Variants in RUFY1 observed in about 807,000 individuals in gnomAD.
The protein encoded by RUFY1 is RUN and FYVE domain containing 1, also known as RUN and FYVE domain-containing protein 1.
RUFY1 carries 54 observed loss-of-function variants against 94.6 expected under a neutral mutation model. That is an observed-to-expected ratio of 0.57 (90% confidence interval 0.46 to 0.72). RUFY1 has a LOEUF of 0.72. Among genes scored for constraint, RUFY1 ranks in the 30% least tolerant of loss-of-function variants. The probability of loss-of-function intolerance (pLI) is 0.00; values close to 1 mark genes in which losing one functional copy is unlikely to be tolerated. For synonymous variants in RUFY1, 396 were observed against 347.3 expected, an observed-to-expected ratio of 1.14 and a Z score of -1.56; for missense variants, 883 against 883.9, an observed-to-expected ratio of 1.00 and a Z score of 0.01.
Position 179,589,672 on chromosome 5 carries a change from C to A in RUFY1, c.1128+25C>A, listed in dbSNP as rs767722972. 6.9e-5 allele frequency: 103 copies of A among 1,498,814 alleles called. No homozygotes were observed. The South Asian group carries it at 1.1e-3, about 16-fold the overall frequency. The allele number at this position is 1,498,814 out of a possible 1,614,324, so 92.8% of individuals were successfully genotyped here. ...GGTGAGAAATTGACCTACATTTGGG[C>A]AGCATGTTTCTCACTCAGACACACC... On this transcript the variant is annotated intron_variant, in intron 9 of 17. Transcript: ENST00000319449.
At chr5:179,596,380 G>A (rs1765640257) in intron 12 of RUFY1, 182 bp from the exon 13 acceptor site, 1 of 778,018 alleles carries the variant, frequency 1.3e-6, no homozygotes, top group African/African-American at 1.7e-5. Flanking sequence ...GAGGTGGGGA[G>A]TTTTGGGAGT....
chr5:179,561,854 TTTTTTA>T (rs1447164532), intron 2 of RUFY1, among the ~76,000 whole-genome samples: 1 of 150,534 alleles, frequency 6.6e-6, no homozygotes, highest in African/African-American at 2.4e-5. Context: ...GGCTAATTTT[TTTTTTA>T]TTTTTAGTAG....
chr5:179,566,618 C>A (rs1245291726), intron 3 of RUFY1, among the ~76,000 whole-genome samples: 2 of 136,478 alleles, frequency 1.5e-5, no homozygotes, highest in Non-Finnish European at 3.2e-5. Context: ...GAGTGAGGCT[C>A]CATCTCGAAA....
intron 1 of RUFY1, among the ~76,000 whole-genome samples, chr5:179,558,478 A>C (rs1006256232): frequency 2.6e-5 from 4 of 151,798 alleles, no homozygotes; most frequent in Non-Finnish European, 4.4e-5. Flanking sequence ...AGTCTGAAAC[A>C]AGAGAATTGC....
At chr5:179,577,464 C>T (rs923739881) in intron 6 of RUFY1, among the ~76,000 whole-genome samples, 11 of 151,588 alleles carry the variant, frequency 7.3e-5, no homozygotes, top group Non-Finnish European at 1.5e-4. Context: ...CGCGCCCAGC[C>T]ACGTCACATT....
intron 1 of RUFY1, chr5:179,555,651 C>T (rs1479759766): frequency 9.0e-6 from 3 of 332,804 alleles, no homozygotes; most frequent in Non-Finnish European, 1.7e-5. Context: ...TTTTTTGAGC[C>T]GGCGTTTTGC....
At position 179,607,532 on chromosome 5, in the gene RUFY1, A is replaced by T. The variant is rs752579224; in HGVS notation, c.1906-50A>T. ...GTGGCCAGAACGCAGCTACCCACTC[A>T]TCAGGGGCTTAGACAGAAAGTGGAT... is the stretch of plus-strand genomic sequence containing the variant. On this transcript the variant is annotated intron_variant, in intron 16 of 17. Coordinates refer to ENST00000319449, the MANE Select transcript of RUFY1 (RefSeq NM_025158.5). The T allele has an allele frequency of 2.6e-6, 4 of 1,537,662 alleles. No individual in the cohort carries two copies. In the African/African-American group the frequency reaches 5.4e-5, roughly 21 times the overall value.
At chr5:179,552,164 C>CAAAAAAAAAAA (rs563730431) in intron 1 of RUFY1, among the ~76,000 whole-genome samples, 17 of 73,444 alleles carry the variant, frequency 2.3e-4, no homozygotes, top group African/African-American at 4.7e-4. Context: ...GACTCTGTCT[C>CAAAAAAAAAAA]AAAAAAAAAA....
chr5:179,552,479 C>T (rs1761913860), intron 1 of RUFY1, among the ~76,000 whole-genome samples: 2 of 152,166 alleles, frequency 1.3e-5, no homozygotes, highest in Admixed American at 1.3e-4. Context: ...GAAAGGCTGA[C>T]TCGTTTTGAG....
chr5:179,561,296 A>G (rs1330691530), intron 2 of RUFY1, among the ~76,000 whole-genome samples: 1 of 152,138 alleles, frequency 6.6e-6, no homozygotes, highest in Non-Finnish European at 1.5e-5. Context: ...AGCTTGAGAA[A>G]GACTCCAGGT....
chr5:179,583,518 G>A (rs1422221796), intron 7 of RUFY1, among the ~76,000 whole-genome samples: 7 of 147,488 alleles, frequency 4.7e-5, no homozygotes, highest in Non-Finnish European at 1.0e-4. Context: ...CCAGGTTCAC[G>A]CCATTCTCCT....
Position 179,550,845 on chromosome 5 carries a change from C to A in RUFY1, c.276C>A (p.Gly92=). 1 of 1,221,846 alleles carries A rather than the reference C, an allele frequency of 8.2e-7. No homozygotes were observed. Among genetic ancestry groups the A allele is most frequent in the Non-Finnish European group, 1.0e-6 (1 of 985,094 alleles). 75.7% of individuals were successfully genotyped at this position (1,221,846 alleles called of 1,614,324 possible). A position where few individuals can be genotyped will look rare whatever the true frequency, so the allele number is the denominator to read the frequency against. ...GSALRAAAGL[G]GGDSGDGTAR... ...CGCTGCGCGCGGCCGCGGGGCTGGG[C>A]GGCGGGGACAGCGGGGACGGCACGG... is the stretch of plus-strand genomic sequence containing the variant. Residue 92 remains glycine (G), a synonymous_variant, in exon 1 of 18, where the codon GGC becomes GGA. Coordinates refer to ENST00000319449, the MANE Select transcript of RUFY1 (RefSeq NM_025158.5).
At chr5:179,606,095 G>A in intron 16 of RUFY1, 171 bp downstream of exon 16, 1 of 601,774 alleles carries the variant, frequency 1.7e-6, no homozygotes, top group South Asian at 2.0e-5. Flanking sequence ...TCGGCTGAGG[G>A]CGATGCTGAC....
rs772928772 is a variant in RUFY1, at chr5:179,596,624, A to T, written c.1574A>T (p.Glu525Val). 1 of 1,612,836 alleles carries T rather than the reference A, an allele frequency of 6.2e-7. No homozygotes were observed. The highest frequency in any genetic ancestry group is 8.5e-7 in the Non-Finnish European group (1 of 1,179,906). Residue 525 changes from glutamate to valine, a missense_variant, in exon 13 of 18, where the codon GAG (glutamate) becomes GTG (valine). Coordinates refer to ENST00000319449, the MANE Select transcript of RUFY1 (RefSeq NM_025158.5). Reference sequence around the variant, plus strand: ...GAGCGGAGCCACAAGCTGCAGCAGGAGCTGGGCGGGAGGATCGGCGCCCTG... The same window carrying T: ...GAGCGGAGCCACAAGCTGCAGCAGGTGCTGGGCGGGAGGATCGGCGCCCTG... ...AEERSHKLQQ[E>V]LGGRIGALQL...
rs1004862857 is a variant in RUFY1, at chr5:179,596,769, G to A, written c.1631+88G>A. 20 of 628,500 alleles carry A rather than the reference G, an allele frequency of 3.2e-5. No homozygotes were observed. In the East Asian group the frequency reaches 1.0e-3, roughly 33 times the overall value. 38.9% of individuals were successfully genotyped at this position (628,500 alleles called of 1,614,324 possible). ...GACAGGTGGTATCCTGCTTCAGCACGAACGGGAGGAGGGGGGGCGGGGGGG... is the reference window on the plus strand; with the variant it reads ...GACAGGTGGTATCCTGCTTCAGCACAAACGGGAGGAGGGGGGGCGGGGGGG... On this transcript the variant is annotated intron_variant, in intron 13 of 17. Transcript: ENST00000319449.
rs1392055690 is a variant in RUFY1, at chr5:179,594,942, G to A, written c.1490G>A (p.Ser497Asn). The A allele has an allele frequency of 6.2e-7, 1 of 1,611,174 alleles. No homozygotes were observed. Residue 497 changes from serine (S) to asparagine (N), a missense_variant, in exon 12 of 18, where the codon AGC (serine) becomes AAC (asparagine). By Grantham distance (46) the Ser-to-Asn change is conservative. Coordinates refer to ENST00000319449, the MANE Select transcript of RUFY1 (RefSeq NM_025158.5). Reference sequence around the variant, plus strand: ...GGAAAAACCAACCAAGTTATGTCCAGCATGAAACAAATGGAAGAAAGGTAA... The same window carrying A: ...GGAAAAACCAACCAAGTTATGTCCAACATGAAACAAATGGAAGAAAGGTAA... Reference protein sequence around the residue: ...FEGKTNQVMSSMKQMEERLQH... With the variant: ...FEGKTNQVMSNMKQMEERLQH...
At position 179,560,103 on chromosome 5, in the gene RUFY1, C is replaced by A; in HGVS notation, c.389C>A (p.Ser130Ter). The change falls in exon 2 of 18, where the codon TCG becomes TAG. Residue 130 changes from serine to a stop codon, truncating the protein, a stop_gained. Coordinates refer to ENST00000319449, the MANE Select transcript of RUFY1 (RefSeq NM_025158.5). LOFTEE classifies it high-confidence loss of function. ...MKLSIKVLLQSALSLGRSLDA... is the reference protein window; with the variant it reads ...MKLSIKVLLQ ...CTCAGCATCAAGGTGTTGCTCCAGT[C>A]GGCTCTGAGCCTGGGCCGCAGCCTG... is the stretch of plus-strand genomic sequence containing the variant. 1 of 1,614,022 alleles carries A rather than the reference C, an allele frequency of 6.2e-7. No homozygotes were observed. Among genetic ancestry groups the A allele is most frequent in the South Asian group, 1.1e-5 (1 of 91,024 alleles).
intron 1 of RUFY1, chr5:179,559,743 A>C (rs1762293207): frequency 8.8e-7 from 1 of 1,133,420 alleles, no homozygotes; most frequent in Non-Finnish European, 1.1e-6. Flanking sequence ...GTCTTGCTAA[A>C]GCCGTCGCCG....
Position 179,593,651 on chromosome 5 carries a change from A to C in RUFY1, c.1413+6A>C. The C allele has an allele frequency of 6.2e-7, 1 of 1,612,738 alleles. No homozygotes were observed. Among genetic ancestry groups the C allele is most frequent in the Non-Finnish European group, 8.5e-7 (1 of 1,179,048 alleles). ...AGATGTTTCACAAAGCTCAGGTGGG[A>C]GTTGGCTTTGTGTCCATGGCACAGC... On this transcript the variant is annotated splice_donor_region_variant and intron_variant, in intron 11 of 17. Transcript: ENST00000319449.
Sources: gnomAD v4.1 joint callset for allele counts (sites outside exome capture counted in the v4.1 genomes callset) on GRCh38, gnomAD v4.1.1 for gene constraint, MANE v1.5 for transcripts, NCBI Gene and HGNC (gene_info 2026-07-23, HGNC 2026-07-21) for gene names.